Variants in NR5A2 observed in about 807,000 individuals in gnomAD.
The protein encoded by NR5A2 is nuclear receptor subfamily 5 group A member 2, also known as CYP7A promoter-binding factor.
In NR5A2, 26 loss-of-function variants were observed where a neutral mutation model predicts 62.7. The ratio of observed to expected loss-of-function variants is 0.41; its 90% CI spans 0.30 to 0.58. The LOEUF is 0.58. NR5A2 is among the 20% of genes least tolerant of loss of function. The pLI, the probability that NR5A2 is intolerant of heterozygous loss-of-function variation, is 0.22. For missense variants in NR5A2, 541 were observed against 669.1 expected, an observed-to-expected ratio of 0.81 and a Z score of 2.11; for synonymous variants, 246 against 241.7, an observed-to-expected ratio of 1.02 and a Z score of -0.16.
rs571849787 is a variant in NR5A2, at chr1:200,152,039, C to T, written c.1379-21924C>T. ...AAGAAAAAGACTTAGGATTTTAAAG[C>T]AACAAATACCTTTATTTGCCTTTGG... On this transcript the variant is annotated intron_variant, in intron 7 of 7. Coordinates refer to ENST00000367362, the MANE Select transcript of NR5A2 (RefSeq NM_205860.3). Among the ~76,000 whole-genome samples, 9 of 152,282 alleles carry T rather than the reference C, an allele frequency of 5.9e-5. No individual in the cohort carries two copies. In the South Asian group the frequency reaches 1.5e-3, roughly 25 times the overall value.
At chr1:200,057,664 A>G in intron 5 of NR5A2, 1 of 331,954 alleles carries the variant, frequency 3.0e-6, no homozygotes, top group Admixed American at 3.4e-5. Flanking sequence ...TTTTTAGTAG[A>G]GATGGGATTT....
At chr1:200,100,972 A>G (rs1036193452) in intron 5 of NR5A2, among the ~76,000 whole-genome samples, 2 of 151,962 alleles carry the variant, frequency 1.3e-5, no homozygotes, top group Non-Finnish European at 2.9e-5. Flanking sequence ...GCTTTGACTT[A>G]TTTTCCTGCC....
intron 5 of NR5A2, among the ~76,000 whole-genome samples, chr1:200,094,524 CTTT>C (rs373809748): frequency 0.051 from 3,055 of 59,368 alleles, 30 homozygotes; most frequent in African/African-American, 0.066. Flanking sequence ...TTAAATGCCA[CTTT>C]TTTTTTTTTT....
chr1:200,142,358 C>T (rs1667483625), intron 7 of NR5A2, among the ~76,000 whole-genome samples: 2 of 151,572 alleles, frequency 1.3e-5, no homozygotes, highest in South Asian at 4.2e-4. Flanking sequence ...TGCCACCACG[C>T]CCGGCTAATT....
intron 5 of NR5A2, among the ~76,000 whole-genome samples, chr1:200,081,406 T>G (rs1004430732): frequency 2.6e-5 from 4 of 152,216 alleles, no homozygotes; most frequent in Non-Finnish European, 4.4e-5. Context: ...GTTATATCAA[T>G]GCCTAAAGCA....
chr1:200,171,125 A>G (rs1485807569), intron 7 of NR5A2, among the ~76,000 whole-genome samples: 1 of 152,182 alleles, frequency 6.6e-6, no homozygotes, highest in Non-Finnish European at 1.5e-5. Flanking sequence ...CTGGAATGGC[A>G]TGGTCAGTAA....
At chr1:200,040,195 G>A (rs1661998967) in intron 2 of NR5A2, among the ~76,000 whole-genome samples, 1 of 152,186 alleles carries the variant, frequency 6.6e-6, no homozygotes, top group Non-Finnish European at 1.5e-5. Flanking sequence ...CTCTTGTGTG[G>A]AGGGAGGCGA....
rs1158438406 is a variant in NR5A2 at position 200,147,317 on chromosome 1, CCT to C, written c.1378+26366_1378+26367del. ...CTGTGCCAGGCGCCTACTGTGCGCT[CCT>C]CTCCTCATCCAGCAAAGCTCGGCCT... On this transcript the variant is annotated intron_variant, in intron 7 of 7. Coordinates refer to ENST00000367362, the MANE Select transcript of NR5A2 (RefSeq NM_205860.3). This position sits in a 1 kb window ranked among gnomAD's most constrained non-coding sequence, Gnocchi z 4.9. Among the ~76,000 whole-genome samples the C allele has an allele frequency of 5.3e-5, 8 of 152,168 alleles. No individual in the cohort carries two copies. Among genetic ancestry groups the C allele is most frequent in the African/African-American group, 1.7e-4 (7 of 41,436 alleles).
chr1:200,137,710 A>G (rs1448248445), intron 7 of NR5A2, among the ~76,000 whole-genome samples: 1 of 152,218 alleles, frequency 6.6e-6, no homozygotes, highest in East Asian at 1.9e-4. Flanking sequence ...TACCAAAATA[A>G]AAGTGTCATA....
chr1:200,093,383 T>G (rs899805889), intron 5 of NR5A2, among the ~76,000 whole-genome samples: 1 of 152,098 alleles, frequency 6.6e-6, no homozygotes, highest in Non-Finnish European at 1.5e-5. Flanking sequence ...AACACACACA[T>G]GGGTACTAAT....
At chr1:200,062,226 T>TC (rs1472459456) in intron 5 of NR5A2, among the ~76,000 whole-genome samples, 1 of 110,050 alleles carries the variant, frequency 9.1e-6, no homozygotes, top group African/African-American at 3.6e-5. Context: ...CCTGGCAGAT[T>TC]TTGTGTGTGT....
At chr1:200,098,780 A>G (rs1342875898) in intron 5 of NR5A2, among the ~76,000 whole-genome samples, 1 of 152,244 alleles carries the variant, frequency 6.6e-6, no homozygotes, top group Admixed American at 6.5e-5. Context: ...CAGTCCAGGT[A>G]ATGAAAGGGT....
At chr1:200,088,189 G>T (rs141507272) in intron 5 of NR5A2, among the ~76,000 whole-genome samples, 1 of 151,550 alleles carries the variant, frequency 6.6e-6, no homozygotes, top group Non-Finnish European at 1.5e-5. Flanking sequence ...AGAGGCGTGA[G>T]CCATGGTGCC....
chr1:200,051,445 CT>C (rs1662628836), intron 5 of NR5A2, among the ~76,000 whole-genome samples: 1 of 152,054 alleles, frequency 6.6e-6, no homozygotes, highest in African/African-American at 2.4e-5. Flanking sequence ...ACATAAATAT[CT>C]TTGAGAATGG....
At chr1:200,122,986 G>T (rs1171438608) in intron 7 of NR5A2, among the ~76,000 whole-genome samples, 2 of 152,014 alleles carry the variant, frequency 1.3e-5, no homozygotes, top group Non-Finnish European at 2.9e-5. Context: ...TTAACTTTAG[G>T]TGCCTCAGCT....
chr1:200,081,632 C>G (rs901659437), intron 5 of NR5A2, among the ~76,000 whole-genome samples: 1 of 152,162 alleles, frequency 6.6e-6, no homozygotes, highest in African/African-American at 2.4e-5. Flanking sequence ...ACTTCAAAGG[C>G]AATGGAATCT....
chr1:200,102,902 A>G (rs1219773252), intron 5 of NR5A2, among the ~76,000 whole-genome samples: 1 of 152,120 alleles, frequency 6.6e-6, no homozygotes, highest in Non-Finnish European at 1.5e-5. Flanking sequence ...TGGTTTCTCA[A>G]TGCATTGATG....
chr1:200,084,806 G>A (rs1222255253), intron 5 of NR5A2, among the ~76,000 whole-genome samples: 1 of 152,128 alleles, frequency 6.6e-6, no homozygotes, highest in East Asian at 1.9e-4. Context: ...TGGTATCAAA[G>A]CATACTGTAT....
At chr1:200,053,358 G>A (rs1202112084) in intron 5 of NR5A2, among the ~76,000 whole-genome samples, 1 of 152,228 alleles carries the variant, frequency 6.6e-6, no homozygotes, top group Admixed American at 6.5e-5. Flanking sequence ...GATACTCATT[G>A]CCTAGAAATC....
Sources: gnomAD v4.1 joint callset for allele counts (sites outside exome capture counted in the v4.1 genomes callset) on GRCh38, gnomAD v4.1.1 for gene constraint, Gnocchi (gnomAD v3.1) non-coding constraint, MANE v1.5 for transcripts, NCBI Gene and HGNC (gene_info 2026-07-23, HGNC 2026-07-21) for gene names.